The following MYOCOS variants were observed in gnomAD, a reference collection of about 807,000 sequenced individuals.
The protein encoded by MYOCOS is myocilin opposite strand, also known as myocilin opposite strand protein.
At chr1:171,616,025 C>T (rs1349797079) in intron 2 of MYOCOS, among the ~76,000 whole-genome samples, 1 of 152,066 alleles carries the variant, frequency 6.6e-6, no homozygotes, top group Non-Finnish European at 1.5e-5. Flanking sequence ...CAAGACCAGC[C>T]TGGCCAACGT....
intron 1 of MYOCOS, among the ~76,000 whole-genome samples, chr1:171,610,664 T>A (rs1027750244): frequency 6.6e-6 from 1 of 152,216 alleles, no homozygotes; most frequent in African/African-American, 2.4e-5. Context: ...TCCATTCACC[T>A]CTTAATCACC....
At chr1:171,606,310 G>T (rs763883437) in intron 1 of MYOCOS, among the ~76,000 whole-genome samples, 1 of 152,064 alleles carries the variant, frequency 6.6e-6, no homozygotes, top group African/African-American at 2.4e-5. Context: ...ATAAAAGTGA[G>T]AACTCCCACT....
chr1:171,610,470 A>C (rs1216148892), intron 1 of MYOCOS, among the ~76,000 whole-genome samples: 1 of 152,238 alleles, frequency 6.6e-6, no homozygotes, highest in Admixed American at 6.5e-5. Flanking sequence ...CTTTATTTAG[A>C]GTTCCGGAGG....
At chr1:171,610,017 A>G (rs999435624) in intron 1 of MYOCOS, among the ~76,000 whole-genome samples, 1 of 152,250 alleles carries the variant, frequency 6.6e-6, no homozygotes, top group African/African-American at 2.4e-5. Flanking sequence ...GTCTCTCCAC[A>G]GGGATGCCTC....
intron 2 of MYOCOS, among the ~76,000 whole-genome samples, chr1:171,616,667 T>G (rs780637034): frequency 6.6e-6 from 1 of 152,154 alleles, no homozygotes; most frequent in African/African-American, 2.4e-5. Flanking sequence ...TTGTTTATAT[T>G]GAGGTGTCAA....
intron 2 of MYOCOS, among the ~76,000 whole-genome samples, chr1:171,616,917 TGTTGTCTGTA>T (rs1462639906): frequency 2.0e-5 from 3 of 152,208 alleles, no homozygotes; most frequent in Non-Finnish European, 4.4e-5. Flanking sequence ...TCTAAGCCAC[TGTTGTCTGTA>T]AAAGGTATAA....
At chr1:171,617,165 CT>C (rs1558081186) in intron 2 of MYOCOS, among the ~76,000 whole-genome samples, 1 of 152,106 alleles carries the variant, frequency 6.6e-6, no homozygotes, top group East Asian at 1.9e-4. Flanking sequence ...TGAGAAAGTT[CT>C]TGATGAGAGC....
intron 2 of MYOCOS, 137 bp from the exon 3 acceptor site, chr1:171,626,317 A>G (rs1652696716): frequency 5.2e-6 from 2 of 385,736 alleles, no homozygotes; most frequent in East Asian, 7.4e-5. Flanking sequence ...CCTGGGCTCA[A>G]GTGATCCTTC....
chr1:171,625,916 C>G (rs915324678), intron 2 of MYOCOS, among the ~76,000 whole-genome samples: 2 of 152,152 alleles, frequency 1.3e-5, no homozygotes, highest in Admixed American at 1.3e-4. Flanking sequence ...CTGTTGGGTC[C>G]ATGGCACCAA....
chr1:171,606,786 C>T (rs959477695), intron 1 of MYOCOS, among the ~76,000 whole-genome samples: 4 of 152,144 alleles, frequency 2.6e-5, no homozygotes, highest in Admixed American at 6.5e-5. Context: ...TTCTACAACT[C>T]GGTGTCTCAG....
intron 1 of MYOCOS, among the ~76,000 whole-genome samples, chr1:171,607,476 A>C (rs1200428256): frequency 6.6e-6 from 1 of 152,236 alleles, no homozygotes; most frequent in Non-Finnish European, 1.5e-5. Context: ...CAAGTTGGTA[A>C]ATAAATGTAA....
chr1:171,601,802 A>C (rs1021664502), intron 1 of MYOCOS, among the ~76,000 whole-genome samples: 1 of 152,178 alleles, frequency 6.6e-6, no homozygotes. Flanking sequence ...CAGCAGCATA[A>C]GCGGCTGGCA....
intron 1 of MYOCOS, among the ~76,000 whole-genome samples, chr1:171,611,706 T>C (rs1358652669): frequency 2.0e-5 from 3 of 152,190 alleles, no homozygotes; most frequent in African/African-American, 7.2e-5. Context: ...TTAGTCAGTA[T>C]ATGGGTTGCA....
At chr1:171,607,234 A>G (rs1426929156) in intron 1 of MYOCOS, among the ~76,000 whole-genome samples, 2 of 152,150 alleles carry the variant, frequency 1.3e-5, no homozygotes, top group African/African-American at 4.8e-5. Context: ...GAAATATACA[A>G]TGCTTGTTGT....
At chr1:171,605,056 C>T (rs1284884274) in intron 1 of MYOCOS, among the ~76,000 whole-genome samples, 1 of 151,852 alleles carries the variant, frequency 6.6e-6, no homozygotes, top group Non-Finnish European at 1.5e-5. Context: ...ACTAAATGTG[C>T]CAGTACCTGA....
At chr1:171,620,072 T>TATATATATATATATAACCTATATATAAA (rs1171404163), upstream of MYOCOS, among the ~76,000 whole-genome samples, 9 of 147,626 alleles carry the variant, frequency 6.1e-5, no homozygotes, top group Non-Finnish European at 1.3e-4. Flanking sequence ...CCTTTACATA[T>TATATATATATATATAACCTATATATAAA]ATATATATAT....
At chr1:171,620,797 G>C (rs1340385850), upstream of MYOCOS, among the ~76,000 whole-genome samples, 2 of 133,274 alleles carry the variant, frequency 1.5e-5, no homozygotes, top group Admixed American at 8.4e-5. Flanking sequence ...TTTTGAGACG[G>C]AGTCTCGTTC....
upstream of MYOCOS, among the ~76,000 whole-genome samples, chr1:171,617,443 A>T (rs1364599525): frequency 6.6e-6 from 1 of 152,162 alleles, no homozygotes. Context: ...AAACAAGCAG[A>T]GGGGTCTGAG....
At chr1:171,620,549 C>T (rs758455542), upstream of MYOCOS, among the ~76,000 whole-genome samples, 29 of 152,148 alleles carry the variant, frequency 1.9e-4, no homozygotes, top group Non-Finnish European at 4.0e-4. Context: ...CATCTATTGT[C>T]TCTAAGGGCA....
Sources: gnomAD v4.1 joint callset for allele counts (sites outside exome capture counted in the v4.1 genomes callset) on GRCh38, gnomAD v4.1.1 for gene constraint, MANE v1.5 for transcripts, NCBI Gene and HGNC (gene_info 2026-07-23, HGNC 2026-07-21) for gene names.